The following RAB27B variants were observed in gnomAD, a reference collection of about 807,000 sequenced individuals.
The protein encoded by RAB27B is ras-related protein Rab-27B.
In RAB27B, 15 loss-of-function variants were observed where a neutral mutation model predicts 24.6. That is an observed-to-expected ratio of 0.61 (90% CI 0.41 to 0.94). RAB27B has a LOEUF of 0.94. Ranked by LOEUF, RAB27B falls within the 40% of genes least tolerant of loss-of-function variation. RAB27B has a pLI of 0.00. For synonymous variants in RAB27B, 105 were observed against 92.5 expected (o/e 1.14, Z -0.78); for missense variants, 261 against 266.8 (o/e 0.98, Z 0.15).
chr18:54,764,867 A>G (rs1012970257), intron 2 of RAB27B, among the ~76,000 whole-genome samples: 2 of 152,160 alleles, frequency 1.3e-5, no homozygotes, highest in African/African-American at 2.4e-5. Flanking sequence ...GCATCTCACA[A>G]TTGAACTCCC....
At chr18:54,801,008 G>GTTTTTCTTTTTT (rs1909584046) in intron 2 of RAB27B, among the ~76,000 whole-genome samples, 1 of 93,098 alleles carries the variant, frequency 1.1e-5, no homozygotes, top group African/African-American at 4.2e-5. Context: ...TTGTTCCTGT[G>GTTTTTCTTTTTT]TTTTTTTTTT....
At chr18:54,737,250 T>C (rs1909924997) in intron 2 of RAB27B, among the ~76,000 whole-genome samples, 5 of 152,180 alleles carry the variant, frequency 3.3e-5, no homozygotes, top group Admixed American at 2.6e-4. Flanking sequence ...CTGGATGGGT[T>C]AAGAGTTAAA....
At chr18:54,834,780 G>GAAAA (rs34254111) in intron 1 of RAB27B, among the ~76,000 whole-genome samples, 1 of 149,904 alleles carries the variant, frequency 6.7e-6, no homozygotes, top group Admixed American at 6.6e-5. Context: ...AACGTTTAGG[G>GAAAA]AAAAAGCATA....
At chr18:54,820,759 T>G (rs1308960917) in intron 2 of RAB27B, among the ~76,000 whole-genome samples, 1 of 152,232 alleles carries the variant, frequency 6.6e-6, no homozygotes, top group Non-Finnish European at 1.5e-5. Flanking sequence ...ATTCTAACAT[T>G]TAATTCTTTA....
chr18:54,749,259 A>G (rs1598876989), intron 2 of RAB27B, among the ~76,000 whole-genome samples: 1 of 152,174 alleles, frequency 6.6e-6, no homozygotes, highest in South Asian at 2.1e-4. Flanking sequence ...GATCTGAGAG[A>G]CAGGGAGGTA....
rs201958943 is a variant in RAB27B at position 54,823,319 on chromosome 18, CA to C, written c.-19-54247del. Among the ~76,000 whole-genome samples the C allele has an allele frequency of 1.0e-3, 153 of 152,298 alleles. 5 individuals carry two copies. The East Asian group carries it at 0.028, about 28-fold the overall frequency. On this transcript the variant is annotated intron_variant, in intron 2 of 4. Coordinates refer to the RAB27B transcript ENST00000586570. ...AGACTTCTTCACATGAACAGAAAAT[CA>C]GCAGGAGGTAGGGGCACACCCGTGC...
At chr18:54,858,253 TTATCC>T (rs533961836) in intron 1 of RAB27B, among the ~76,000 whole-genome samples, 219 of 152,376 alleles carry the variant, frequency 1.4e-3, no homozygotes, top group African/African-American at 4.8e-3. Flanking sequence ...TTCTATTTTG[TTATCC>T]TATGCGTTAG....
intron 2 of RAB27B, among the ~76,000 whole-genome samples, chr18:54,731,645 G>A (rs1339317604): frequency 2.0e-5 from 3 of 152,104 alleles, no homozygotes; most frequent in Admixed American, 6.5e-5. Flanking sequence ...GCTTGAACCC[G>A]AGAGGCAACA....
intron 2 of RAB27B, among the ~76,000 whole-genome samples, chr18:54,760,978 G>C (rs939517629): frequency 6.9e-6 from 1 of 145,552 alleles, no homozygotes; most frequent in African/African-American, 2.5e-5. Context: ...AGGGGCAACT[G>C]TTAAAGGAGA....
At chr18:54,813,327 C>A (rs1181988709) in intron 2 of RAB27B, among the ~76,000 whole-genome samples, 1 of 152,196 alleles carries the variant, frequency 6.6e-6, no homozygotes, top group Non-Finnish European at 1.5e-5. Flanking sequence ...ATAATTAAAT[C>A]TCCACAAGGG....
chr18:54,815,758 T>C (rs1001029804), intron 2 of RAB27B, among the ~76,000 whole-genome samples: 1 of 152,110 alleles, frequency 6.6e-6, no homozygotes, highest in Admixed American at 6.5e-5. Flanking sequence ...ATTCTTAAAG[T>C]TATAGCTCAT....
At position 54,771,387 on chromosome 18, in the gene RAB27B, C is replaced by T. The variant is rs557503129; in HGVS notation, c.-20+53246C>T. ...ATGTCTCAGGGTCTTGGCTAGATTG[C>T]GACTGGACTCATATCTGTGCCATTC... On this transcript the variant is annotated intron_variant, in intron 2 of 4. Transcript: ENST00000586570. 1.1e-4 allele frequency among the ~76,000 whole-genome samples: 17 copies of T among 152,138 alleles called. 1 individual carries two copies. In the South Asian group the frequency reaches 1.2e-3, roughly 11 times the overall value.
intron 2 of RAB27B, among the ~76,000 whole-genome samples, chr18:54,760,103 T>C (rs958153087): frequency 1.3e-5 from 2 of 151,786 alleles, no homozygotes; most frequent in Non-Finnish European, 2.9e-5. Context: ...ACTCTGGAGG[T>C]TGTGGATACC....
At chr18:54,822,264 T>C (rs117629993) in intron 2 of RAB27B, among the ~76,000 whole-genome samples, 40 of 152,294 alleles carry the variant, frequency 2.6e-4, no homozygotes, top group Non-Finnish European at 3.8e-4. Flanking sequence ...TTAATCAATG[T>C]TAGTTTAGAT....
At chr18:54,878,090 G>C (rs958296161) in intron 2 of RAB27B, among the ~76,000 whole-genome samples, 2 of 152,094 alleles carry the variant, frequency 1.3e-5, no homozygotes, top group Non-Finnish European at 2.9e-5. Context: ...TCCTCAATAA[G>C]AGCAAGTGAT....
At chr18:54,883,523 T>C (rs769204258) in intron 3 of RAB27B, among the ~76,000 whole-genome samples, 9 of 152,142 alleles carry the variant, frequency 5.9e-5, no homozygotes, top group Non-Finnish European at 1.3e-4. Flanking sequence ...GTTTTGCCCA[T>C]TGCTCTTATT....
At chr18:54,809,961 C>A (rs1909911561) in intron 2 of RAB27B, among the ~76,000 whole-genome samples, 2 of 152,138 alleles carry the variant, frequency 1.3e-5, no homozygotes, top group Non-Finnish European at 2.9e-5. Context: ...TTTAAATAAT[C>A]ATAATTTTAT....
At chr18:54,754,950 C>A (rs1907955141) in intron 2 of RAB27B, among the ~76,000 whole-genome samples, 1 of 152,134 alleles carries the variant, frequency 6.6e-6, no homozygotes, top group Non-Finnish European at 1.5e-5. Context: ...CTCTCCTAGG[C>A]TCCTGCATCC....
At chr18:54,841,250 A>G (rs1833286) in intron 1 of RAB27B, among the ~76,000 whole-genome samples, 1 of 147,410 alleles carries the variant, frequency 6.8e-6, no homozygotes, top group African/African-American at 2.5e-5. Context: ...AACTGCAGAT[A>G]AGAAGTATTT....
Sources: allele counts gnomAD v4.1 joint callset (sites outside exome capture counted in the v4.1 genomes callset), GRCh38; gene constraint gnomAD v4.1.1; transcripts MANE v1.5; gene names NCBI Gene and HGNC (gene_info 2026-07-23, HGNC 2026-07-21).